Variants in NOD2 observed in about 807,000 individuals in gnomAD.
NOD2 encodes nucleotide binding oligomerization domain containing 2.
Under a neutral mutation model 90.9 loss-of-function variants are expected in NOD2, and 86 were observed. The observed-to-expected ratio is 0.95, with a 90% CI of 0.79 to 1.13. NOD2 has a LOEUF of 1.13. Ranked by LOEUF, NOD2 falls within the 50% of genes most tolerant of loss-of-function variation. The pLI is 0.00. For synonymous variants in NOD2, 581 were observed against 554.6 expected (o/e 1.05, Z -0.67); for missense variants, 1,238 against 1,283.8 (o/e 0.96, Z 0.55).
At position 50,704,746 on chromosome 16, in the gene NOD2, G is replaced by T. The variant is rs144512258; in HGVS notation, c.460-3109G>T. On this transcript the variant is annotated intron_variant, in intron 2 of 11. Coordinates refer to ENST00000647318, the MANE Select transcript of NOD2 (RefSeq NM_001370466.1). ...TTGGCCAGGCTGGTCTTGAACTTCT[G>T]ACTTTAGGTGATCTGCCTACTTCGG... 5.4e-3 allele frequency among the ~76,000 whole-genome samples: 817 copies of T among 152,224 alleles called. 10 individuals are homozygous for T. Among genetic ancestry groups the T allele is most frequent in the African/African-American group, 0.019 (790 of 41,530 alleles).
chr16:50,709,969 C>T (rs1964384044), intron 3 of NOD2: 1 of 455,924 alleles, frequency 2.2e-6, no homozygotes, highest in African/African-American at 2.0e-5. Flanking sequence ...CCCAGAAAGG[C>T]TAAATGGCTT....
chr16:50,728,476 A>G (rs1180762279), intron 10 of NOD2: 1 of 176,416 alleles, frequency 5.7e-6, no homozygotes, highest in Non-Finnish European at 1.2e-5. Context: ...AATAAACAGA[A>G]AGTATTAAGT....
At position 50,719,994 on chromosome 16, in the gene NOD2, C is replaced by T. The variant is rs759227592; in HGVS notation, c.2619C>T (p.Ser873=). ...CCGAGGGGCTCCGAGGCAACACCTCCTTGCAGTTCCTGGGGTAGGTTGGAT... is the reference window on the plus strand; with the variant it reads ...CCGAGGGGCTCCGAGGCAACACCTCTTTGCAGTTCCTGGGGTAGGTTGGAT... The part of the protein sequence containing the change: ...VLAEGLRGNT[S]LQFLGFWGNR... The change falls in exon 7 of 12, where the codon TCC becomes TCT. Residue 873 remains serine, a synonymous_variant. Coordinates refer to ENST00000647318, the MANE Select transcript of NOD2 (RefSeq NM_001370466.1). 3.1e-5 allele frequency: 50 copies of T among 1,614,052 alleles called. No individual in the cohort carries two copies. Among genetic ancestry groups the T allele is most frequent in the Non-Finnish European group, 4.0e-5 (47 of 1,180,016 alleles).
chr16:50,716,764 C>T, intron 5 of NOD2, 94 bp downstream of exon 5: 1 of 1,486,356 alleles, frequency 6.7e-7, no homozygotes, highest in South Asian at 1.1e-5. Context: ...TGGGCTGGGG[C>T]AGGGGCTGTT....
intron 10 of NOD2, among the ~76,000 whole-genome samples, 183 bp downstream of exon 10, chr16:50,725,755 A>G (rs1965242741): frequency 6.6e-6 from 1 of 152,182 alleles, no homozygotes; most frequent in Non-Finnish European, 1.5e-5. Flanking sequence ...AGGTGGTCCC[A>G]GTAAATGCTG....
chr16:50,727,233 C>A (rs955504758), intron 10 of NOD2, among the ~76,000 whole-genome samples: 1 of 152,046 alleles, frequency 6.6e-6, no homozygotes, highest in Admixed American at 6.5e-5. Context: ...CCTGCTCCAC[C>A]ATTACCAGCC....
At chr16:50,720,590 G>A (rs1965010416) in intron 7 of NOD2, among the ~76,000 whole-genome samples, 1 of 152,304 alleles carries the variant, frequency 6.6e-6, no homozygotes, top group African/African-American at 2.4e-5. Flanking sequence ...GCCCCAGGGT[G>A]GGCTTCCTCT....
At chr16:50,701,585 G>A (rs1463918633) in intron 2 of NOD2, among the ~76,000 whole-genome samples, 2 of 152,190 alleles carry the variant, frequency 1.3e-5, no homozygotes, top group African/African-American at 4.8e-5. Context: ...TTTGTTAGGG[G>A]AATTGAATCA....
In NOD2 at chr16:50,716,821, A is replaced by G. The variant is rs1028260879; in HGVS notation, c.2466-70A>G. 1.2e-5 allele frequency: 19 copies of G among 1,531,158 alleles called. No homozygotes were observed. In the Admixed American group the frequency reaches 3.2e-4, roughly 26 times the overall value. The allele number at this position is 1,531,158 out of a possible 1,614,324, so 94.8% of individuals were successfully genotyped here. ...GATTCCTGCCCAGAGGGGAAGGGCA[A>G]CCCTGGGATTTGGTGCTCACTGTCC... is the stretch of plus-strand genomic sequence containing the variant. On this transcript the variant is annotated intron_variant, in intron 5 of 11. Transcript: ENST00000647318.
intron 1 of NOD2, among the ~76,000 whole-genome samples, chr16:50,695,339 G>A (rs1963599140): frequency 6.6e-6 from 1 of 152,188 alleles, no homozygotes; most frequent in Admixed American, 6.5e-5. Context: ...CAAGAGAAAG[G>A]TAGAGTCAAA....
intron 11 of NOD2, 72 bp from the exon 12 acceptor site, chr16:50,731,675 G>A (rs1360894317): frequency 1.9e-6 from 2 of 1,040,020 alleles, no homozygotes; most frequent in East Asian, 4.7e-5. Context: ...TTTAAAAAGT[G>A]GAGGCTTTTG....
intron 9 of NOD2, 142 bp downstream of exon 9, chr16:50,723,526 T>C: frequency 1.3e-6 from 1 of 762,204 alleles, no homozygotes. Flanking sequence ...TGTTTGTCTT[T>C]ATATGTACTG....
chr16:50,717,221 C>A (rs1224785306), intron 6 of NOD2, among the ~76,000 whole-genome samples: 1 of 152,220 alleles, frequency 6.6e-6, no homozygotes, highest in African/African-American at 2.4e-5. Flanking sequence ...CTTTTCTAGG[C>A]CCCTTTCCTT....
Position 50,712,213 on chromosome 16 carries a change from A to G in NOD2, c.2221A>G (p.Lys741Glu). ...AARGLNVGHL[K>E]LTFCSVGPTE... ...ACGTGGCCTGAATGTTGGGCACCTC[A>G]AGTTGACATTTTGCAGTGTGGGCCC... The change falls in exon 4 of 12, where the codon AAG becomes GAG. Residue 741 changes from lysine (K) to glutamate (E), a missense_variant. Lys to Glu is a moderately conservative substitution (Grantham distance 56). Transcript: ENST00000647318. 2 of 1,613,876 alleles carry G rather than the reference A, an allele frequency of 1.2e-6. No homozygotes were observed. Among genetic ancestry groups the G allele is most frequent in the Non-Finnish European group, 1.7e-6 (2 of 1,180,034 alleles).
chr16:50,721,584 C>T (rs369389691), intron 7 of NOD2, among the ~76,000 whole-genome samples: 1 of 152,070 alleles, frequency 6.6e-6, no homozygotes, highest in Admixed American at 6.5e-5. Context: ...CCTTGAACTC[C>T]TGAGCTCAAG....
At chr16:50,726,281 C>T (rs1339738674) in intron 10 of NOD2, among the ~76,000 whole-genome samples, 1 of 150,490 alleles carries the variant, frequency 6.6e-6, no homozygotes, top group African/African-American at 2.5e-5. Context: ...TCAGGAACCC[C>T]ATCAGATGGC....
Position 50,711,618 on chromosome 16 carries a change from G to C in NOD2, c.1626G>C (p.Gln542His). Reference protein sequence around the residue: ...GMCCYVFSAQQLQAAQVSPDD... With the variant: ...GMCCYVFSAQHLQAAQVSPDD... ...GCTGCTACGTGTTCTCAGCCCAGCA[G>C]CTCCAGGCAGCACAGGTCAGCCCTG... The change falls in exon 4 of 12, where the codon CAG becomes CAC. Residue 542 changes from glutamine to histidine, a missense_variant. Physicochemically the swap from Gln to His is conservative, Grantham distance 24. Around this residue, in one of 3 missense-constraint regions of NOD2, gnomAD observed 667 missense variants for 688.7 expected, o/e 0.97. Coordinates refer to ENST00000647318, the MANE Select transcript of NOD2 (RefSeq NM_001370466.1). 6.2e-7 allele frequency: 1 copy of C among 1,611,948 alleles called. No homozygotes were observed. The highest frequency in any genetic ancestry group is 8.5e-7 in the Non-Finnish European group (1 of 1,179,996).
In NOD2 at chr16:50,699,911, A is replaced by C; in HGVS notation, c.416A>C (p.Glu139Ala). ...GAGCGGGGTTTCGTCAGCCAGTATG[A>C]ATGTGATGAAATCAGGTTGCCGATC... The part of the protein sequence containing the change: ...AWERGFVSQY[E>A]CDEIRLPIFT... The change falls in exon 2 of 12, where the codon GAA becomes GCA. Residue 139 changes from glutamate (E) to alanine (A), a missense_variant. Coordinates refer to ENST00000647318, the MANE Select transcript of NOD2 (RefSeq NM_001370466.1). 6.2e-7 allele frequency: 1 copy of C among 1,611,338 alleles called. No homozygotes were observed. Among genetic ancestry groups the C allele is most frequent in the Non-Finnish European group, 8.5e-7 (1 of 1,180,006 alleles).
chr16:50,710,732 C>A lies in NOD2; in HGVS notation c.740C>A (p.Ala247Asp). Residue 247 changes from alanine (A) to aspartate (D), a missense_variant, in exon 4 of 12, where the codon GCC (alanine) becomes GAC (aspartate). This residue lies in a region of NOD2 where 567 missense variants were observed against 577.3 expected (regional missense o/e 0.98). Coordinates refer to ENST00000647318, the MANE Select transcript of NOD2 (RefSeq NM_001370466.1). ...GMAGPPQKSP[A>D]TLGLEELFST... ...GCTGGACCCCCGCAGAAGAGCCCAG[C>A]CACCCTGGGCCTGGAGGAGCTCTTC... 6.2e-7 allele frequency: 1 copy of A among 1,613,808 alleles called. No individual in the cohort carries two copies. Among genetic ancestry groups the A allele is most frequent in the South Asian group, 1.1e-5 (1 of 91,042 alleles).
Sources: allele counts gnomAD v4.1 joint callset (sites outside exome capture counted in the v4.1 genomes callset), GRCh38; gene constraint gnomAD v4.1.1; regional missense constraint gnomAD v4.1.1; transcripts MANE v1.5; gene names NCBI Gene and HGNC (gene_info 2026-07-23, HGNC 2026-07-21).